Variants in PTGR1 observed in about 807,000 individuals in gnomAD.
The protein encoded by PTGR1 is 15-oxoprostaglandin 13-reductase.
In PTGR1, 23 loss-of-function variants were observed where a neutral mutation model predicts 37.7. That is an observed-to-expected ratio of 0.61 (90% CI 0.44 to 0.86). The LOEUF is 0.86. PTGR1 is among the 40% of genes least tolerant of loss of function. The pLI, the probability that PTGR1 is intolerant of heterozygous loss-of-function variation, is 0.00. For missense variants in PTGR1, 351 were observed against 394.3 expected, an observed-to-expected ratio of 0.89 and a Z score of 0.93; for synonymous variants, 134 against 140.0, an observed-to-expected ratio of 0.96 and a Z score of 0.30.
chr9:111,585,852 C>T, intron 5 of PTGR1, 146 bp downstream of exon 5: 2 of 835,454 alleles, frequency 2.4e-6, no homozygotes, highest in Non-Finnish European at 1.8e-6. Context: ...GGTTGATCTG[C>T]CATCTTGGTC....
chr9:111,551,444 G>A (rs1827949299), intron 9 of PTGR1, among the ~76,000 whole-genome samples: 1 of 107,004 alleles, frequency 9.3e-6, no homozygotes. Context: ...GTCTCACTCT[G>A]TTGCCCAGGC....
chr9:111,558,289 T>C (rs888572762), downstream of PTGR1, among the ~76,000 whole-genome samples: 7 of 152,214 alleles, frequency 4.6e-5, no homozygotes, highest in African/African-American at 1.7e-4. Flanking sequence ...GGAGCTCAAA[T>C]TTTCCATGAT....
intron 9 of PTGR1, among the ~76,000 whole-genome samples, chr9:111,554,019 C>T (rs942172239): frequency 2.0e-5 from 3 of 152,190 alleles, no homozygotes; most frequent in African/African-American, 7.2e-5. Flanking sequence ...TGTTTTTAAG[C>T]ACTAGCCTAG....
intron 5 of PTGR1, 128 bp downstream of exon 5, chr9:111,585,870 C>T: frequency 9.3e-7 from 1 of 1,069,906 alleles, no homozygotes; most frequent in Non-Finnish European, 1.3e-6. Context: ...GTCCTGCCCT[C>T]TTCTCTGATC....
chr9:111,595,358 G>A (rs1209443695), intron 2 of PTGR1, among the ~76,000 whole-genome samples: 1 of 152,092 alleles, frequency 6.6e-6, no homozygotes, highest in Non-Finnish European at 1.5e-5. Flanking sequence ...AACAAATATT[G>A]CTTCCATTTT....
At chr9:111,594,860 T>TTTC (rs1829731922) in intron 2 of PTGR1, among the ~76,000 whole-genome samples, 1 of 146,390 alleles carries the variant, frequency 6.8e-6, no homozygotes, top group Non-Finnish European at 1.5e-5. Flanking sequence ...TCTTTTTTTT[T>TTTC]TTTTTTTTTT....
At position 111,570,154 on chromosome 9, in the gene PTGR1, G is replaced by A. The variant is rs755635426; in HGVS notation, c.816C>T (p.Val272=). The change falls in exon 9 of 10, where the codon GTC becomes GTT. Residue 272 remains valine (V), a synonymous_variant. Transcript: ENST00000407693. ...YQELRMEAFV[V]YRWQGDARQK... is the part of the protein sequence containing the mutation. Reference sequence around the variant, plus strand: ...GGCGGGCATCTCCTTGCCAGCGGTAGACGACAAAAGCTTCCATGCGAAGCT... The same window carrying A: ...GGCGGGCATCTCCTTGCCAGCGGTAAACGACAAAAGCTTCCATGCGAAGCT... 4 of 1,614,142 alleles carry A rather than the reference G, an allele frequency of 2.5e-6. No homozygotes were observed. The highest frequency in any genetic ancestry group is 3.4e-6 in the Non-Finnish European group (4 of 1,180,028).
In PTGR1 at chr9:111,591,654, G is replaced by A. The variant is rs1022807230; in HGVS notation, c.209+1272C>T. 3.9e-5 allele frequency among the ~76,000 whole-genome samples: 6 copies of A among 152,254 alleles called. No individual in the cohort carries two copies. The East Asian group carries it at 9.7e-4, about 25-fold the overall frequency. On this transcript the variant is annotated intron_variant, in intron 4 of 9. Coordinates refer to ENST00000407693, the MANE Select transcript of PTGR1 (RefSeq NM_001146108.2). ...CAAAGTGCTGGGATCACAGGCGTGA[G>A]CCACTGCTGGCCCACAATTTTTGAA...
intron 6 of PTGR1, among the ~76,000 whole-genome samples, chr9:111,579,792 C>G (rs1347079951): frequency 6.6e-6 from 1 of 152,152 alleles, no homozygotes; most frequent in Non-Finnish European, 1.5e-5. Flanking sequence ...AAGCACCAGA[C>G]TACACGCTTC....
At chr9:111,554,585 C>T (rs945803530) in intron 9 of PTGR1, among the ~76,000 whole-genome samples, 2 of 152,120 alleles carry the variant, frequency 1.3e-5, no homozygotes, top group African/African-American at 2.4e-5. Flanking sequence ...TCTGATAACC[C>T]AAGAAGGCTA....
intron 9 of PTGR1, among the ~76,000 whole-genome samples, chr9:111,567,734 C>T (rs777549756): frequency 2.0e-5 from 3 of 152,060 alleles, no homozygotes; most frequent in Non-Finnish European, 4.4e-5. Flanking sequence ...CTTAACAGAT[C>T]GCTATGGCCA....
intron 9 of PTGR1, chr9:111,564,244 C>A (rs1265146985): frequency 1.9e-6 from 2 of 1,039,050 alleles, no homozygotes; most frequent in Non-Finnish European, 2.4e-6. Context: ...TGAAGTCAGT[C>A]AATTACAAAG....
chr9:111,577,161 T>C (rs1228569766), intron 7 of PTGR1: 2 of 152,192 alleles, frequency 1.3e-5, no homozygotes, highest in East Asian at 3.8e-4. Context: ...GAACAGATAT[T>C]TCTCCAAAGA....
At position 111,570,171 on chromosome 9, in the gene PTGR1, T is replaced by A. The variant is rs371168547; in HGVS notation, c.799A>T (p.Met267Leu). The A allele has an allele frequency of 7.0e-5, 113 of 1,613,946 alleles. 1 individual carries two copies. Among genetic ancestry groups the A allele is most frequent in the Non-Finnish European group, 9.1e-5 (107 of 1,180,022 alleles). The change falls in exon 9 of 10, where the codon ATG becomes TTG. Residue 267 changes from methionine to leucine, a missense_variant. Met to Leu is a conservative substitution (Grantham distance 15). Coordinates refer to ENST00000407693, the MANE Select transcript of PTGR1 (RefSeq NM_001146108.2). ...PEIVIYQELR[M>L]EAFVVYRWQG... ...CAGCGGTAGACGACAAAAGCTTCCA[T>A]GCGAAGCTCCTGATAGATAACAATC...
chr9:111,566,181 C>T (rs1388801670), intron 9 of PTGR1, among the ~76,000 whole-genome samples: 11 of 152,036 alleles, frequency 7.2e-5, no homozygotes, highest in South Asian at 4.2e-4. Flanking sequence ...CCAGCCTGGA[C>T]GACAGAGTGA....
chr9:111,593,751 C>G (rs1219393137), intron 3 of PTGR1, among the ~76,000 whole-genome samples: 1 of 152,168 alleles, frequency 6.6e-6, no homozygotes, highest in African/African-American at 2.4e-5. Flanking sequence ...TCGCTGCAAC[C>G]TCTGCCTCCC....
intron 2 of PTGR1, among the ~76,000 whole-genome samples, chr9:111,595,267 T>TTAATAA (rs889007188): frequency 3.9e-5 from 6 of 152,062 alleles, no homozygotes; most frequent in South Asian, 2.1e-4. Context: ...CCCAGCCCAG[T>TTAATAA]TAATAATAAT....
intron 1 of PTGR1, among the ~76,000 whole-genome samples, chr9:111,597,694 T>A (rs1012355471): frequency 1.3e-5 from 2 of 152,194 alleles, no homozygotes; most frequent in Admixed American, 1.3e-4. Context: ...ATGAGGAAAC[T>A]GAGGTTTAAA....
intron 1 of PTGR1, among the ~76,000 whole-genome samples, chr9:111,598,448 G>A (rs1226898713): frequency 6.6e-6 from 1 of 152,174 alleles, no homozygotes; most frequent in African/African-American, 2.4e-5. Flanking sequence ...GGAGCCAGGG[G>A]GGCGGTCTGA....
Sources: gnomAD v4.1 joint callset for allele counts (sites outside exome capture counted in the v4.1 genomes callset) on GRCh38, gnomAD v4.1.1 for gene constraint, MANE v1.5 for transcripts, NCBI Gene and HGNC (gene_info 2026-07-23, HGNC 2026-07-21) for gene names.